MAPK1IP1L: variants seen among roughly 807,000 people sequenced by gnomAD.
The protein encoded by MAPK1IP1L is mitogen-activated protein kinase 1 interacting protein 1 like.
A neutral mutation model predicts 18.1 loss-of-function variants in MAPK1IP1L; 10 were observed. The observed-to-expected ratio is 0.55, with a 90% CI of 0.34 to 0.94. The LOEUF (loss-of-function observed/expected upper bound fraction) is 0.94, where lower values mean the gene tolerates loss of function less well. Ranked by LOEUF, MAPK1IP1L falls within the 40% of genes least tolerant of loss-of-function variation. The probability of loss-of-function intolerance (pLI) is 0.02; values close to 1 mark genes in which losing one functional copy is unlikely to be tolerated. For missense variants in MAPK1IP1L, 260 were observed against 318.2 expected (o/e 0.82, Z 1.39); for synonymous variants, 115 against 117.3 (o/e 0.98, Z 0.13).
In MAPK1IP1L at chr14:55,069,043, A is replaced by T. The variant is rs567165683; in HGVS notation, c.*4416A>T. 7 of 151,794 alleles carry T rather than the reference A, an allele frequency of 4.6e-5. No homozygotes were observed. The highest frequency in any genetic ancestry group is 1.0e-4 in the Non-Finnish European group (7 of 67,952). The allele number at this position is 151,794 out of a possible 1,614,324, so 9.4% of individuals were successfully genotyped here. A position where few individuals can be genotyped will look rare whatever the true frequency, so the allele number is the denominator to read the frequency against. ...TTTTTTAAGAATTTAATGTTTTTCAAGATTGTAGTGTTGATCAGCGCAACA... is the reference window on the plus strand; with the variant it reads ...TTTTTTAAGAATTTAATGTTTTTCATGATTGTAGTGTTGATCAGCGCAACA... On this transcript the variant is annotated 3_prime_UTR_variant, in exon 4 of 4. Coordinates refer to ENST00000395468, the MANE Select transcript of MAPK1IP1L (RefSeq NM_144578.4).
rs564302356 is a variant in MAPK1IP1L at position 55,060,191 on chromosome 14, A to G, written c.-4-1489A>G. Among the ~76,000 whole-genome samples, 7 of 53,470 alleles carry G rather than the reference A, an allele frequency of 1.3e-4. 1 individual carries two copies. Among genetic ancestry groups the G allele is most frequent in the Middle Eastern group, 0.017 (1 of 58 alleles). 35.1% of individuals were successfully genotyped at this position (53,470 alleles called of 152,430 possible). ...TTTTTTTTTTTTTTTTTTTTTTTTG[A>G]TATGGAGTAGCCCTCCGTTGCCCAG... On this transcript the variant is annotated intron_variant, in intron 1 of 3. Coordinates refer to ENST00000395468, the MANE Select transcript of MAPK1IP1L (RefSeq NM_144578.4).
rs1463099418 is a variant in MAPK1IP1L, at chr14:55,051,672, G to C, written c.-136G>C. ...GCTTCCTGTTCCGGCGCCAGGAGGA[G>C]CCGCGCGCTGCTGGTGCTGTTGCCG... On this transcript the variant is annotated 5_prime_UTR_variant, in exon 1 of 4. Transcript: ENST00000395468. 1.9e-6 allele frequency: 1 copy of C among 514,774 alleles called. No individual in the cohort carries two copies. Among genetic ancestry groups the C allele is most frequent in the East Asian group, 5.5e-5 (1 of 18,156 alleles). The allele number at this position is 514,774 out of a possible 1,614,324, so 31.9% of individuals were successfully genotyped here.
At chr14:55,053,445 T>C (rs2042746152) in intron 1 of MAPK1IP1L, among the ~76,000 whole-genome samples, 1 of 152,254 alleles carries the variant, frequency 6.6e-6, no homozygotes, top group Non-Finnish European at 1.5e-5. Context: ...TTTTAGGCAC[T>C]TGATTGGACA....
chr14:55,060,940 C>G (rs778782026), intron 1 of MAPK1IP1L, among the ~76,000 whole-genome samples: 1 of 152,004 alleles, frequency 6.6e-6, no homozygotes, highest in Non-Finnish European at 1.5e-5. Context: ...AGTTTGAGAC[C>G]GGGTCTGGGC....
intron 1 of MAPK1IP1L, among the ~76,000 whole-genome samples, chr14:55,057,508 C>T (rs1300925446): frequency 1.3e-5 from 2 of 152,156 alleles, no homozygotes; most frequent in Non-Finnish European, 2.9e-5. Context: ...CCTGTAATCC[C>T]AGCACTTTGG....
chr14:55,054,134 A>G (rs2042751791), intron 1 of MAPK1IP1L, among the ~76,000 whole-genome samples: 1 of 151,822 alleles, frequency 6.6e-6, no homozygotes, highest in Non-Finnish European at 1.5e-5. Context: ...AAATGAGCCA[A>G]TACTAAAAAC....
chr14:55,053,267 C>G (rs1388447564), intron 1 of MAPK1IP1L, among the ~76,000 whole-genome samples: 1 of 152,178 alleles, frequency 6.6e-6, no homozygotes, highest in East Asian at 1.9e-4. Flanking sequence ...CTTCCTTTGC[C>G]TCAAGTTTGG....
At chr14:55,053,501 T>C (rs935117757) in intron 1 of MAPK1IP1L, among the ~76,000 whole-genome samples, 9 of 152,258 alleles carry the variant, frequency 5.9e-5, no homozygotes, top group African/African-American at 2.2e-4. Context: ...GGTTTTTATT[T>C]GTTTTGTTTT....
rs2042730113 is a variant in MAPK1IP1L at position 55,051,759 on chromosome 14, C to A, written c.-49C>A. ...CGTCTTCAGGGCCCAGTCCCTCGGACCCATCGCCGCTTCTAGACCCTACTG... is the reference window on the plus strand; with the variant it reads ...CGTCTTCAGGGCCCAGTCCCTCGGAACCATCGCCGCTTCTAGACCCTACTG... On this transcript the variant is annotated 5_prime_UTR_variant, in exon 1 of 4. Coordinates refer to ENST00000395468, the MANE Select transcript of MAPK1IP1L (RefSeq NM_144578.4). The A allele has an allele frequency of 3.9e-6, 2 of 514,284 alleles. No homozygotes were observed. Among genetic ancestry groups the A allele is most frequent in the Non-Finnish European group, 7.7e-6 (2 of 258,704 alleles). The allele number at this position is 514,284 out of a possible 1,614,324, so 31.9% of individuals were successfully genotyped here.
In MAPK1IP1L at chr14:55,067,989, C is replaced by T. The variant is rs1435818538; in HGVS notation, c.*3362C>T. On this transcript the variant is annotated 3_prime_UTR_variant, in exon 4 of 4. Coordinates refer to ENST00000395468, the MANE Select transcript of MAPK1IP1L (RefSeq NM_144578.4). ...TAGACCTTAGGTCGTCATTCACACC[C>T]GGTTCTCAAGAATCAAGTGGAGCAC... 3.3e-5 allele frequency: 5 copies of T among 152,180 alleles called. No individual in the cohort carries two copies. The highest frequency in any genetic ancestry group is 4.1e-4 in the South Asian group (2 of 4,830). The allele number at this position is 152,180 out of a possible 1,614,324, so 9.4% of individuals were successfully genotyped here. A position where few individuals can be genotyped will look rare whatever the true frequency, so the allele number is the denominator to read the frequency against.
At chr14:55,057,496 C>T (rs1227368342) in intron 1 of MAPK1IP1L, among the ~76,000 whole-genome samples, 1 of 152,164 alleles carries the variant, frequency 6.6e-6, no homozygotes, top group African/African-American at 2.4e-5. Flanking sequence ...CAGTGGCTCA[C>T]GCCTGTAATC....
At chr14:55,064,581 A>G in intron 3 of MAPK1IP1L, 35 bp from the exon 4 acceptor site, 2 of 1,608,002 alleles carry the variant, frequency 1.2e-6, no homozygotes, top group Non-Finnish European at 8.5e-7. Flanking sequence ...CATTTGCAAA[A>G]TCTAGAAGTT....
At chr14:55,059,225 G>GAAAAAAAAAAAAAAAAAAAAAAAATAAAA (rs3078612) in intron 1 of MAPK1IP1L, among the ~76,000 whole-genome samples, 1 of 63,280 alleles carries the variant, frequency 1.6e-5, no homozygotes, top group African/African-American at 5.8e-5. Context: ...AGGAAAATCT[G>GAAAAAAAAAAAAAAAAAAAAAAAATAAAA]AAAAAAAAAA....
chr14:55,053,717 A>G (rs987142908), intron 1 of MAPK1IP1L, among the ~76,000 whole-genome samples: 5 of 152,064 alleles, frequency 3.3e-5, no homozygotes, highest in African/African-American at 1.2e-4. Context: ...TTTTACACTA[A>G]CTGCTCTTCT....
chr14:55,062,529 C>T (rs1361433676), intron 2 of MAPK1IP1L, 89 bp from the exon 3 acceptor site: 41 of 1,027,318 alleles, frequency 4.0e-5, no homozygotes, highest in Non-Finnish European at 5.8e-5. Context: ...AATCCCTGCC[C>T]CTATAGGTTA....
chr14:55,054,148 C>T (rs2042751902), intron 1 of MAPK1IP1L, among the ~76,000 whole-genome samples: 1 of 150,110 alleles, frequency 6.7e-6, no homozygotes, highest in Non-Finnish European at 1.5e-5. Flanking sequence ...TAAAAACTAG[C>T]ATGTATTCTA....
chr14:55,059,741 C>A (rs892394552), intron 1 of MAPK1IP1L, among the ~76,000 whole-genome samples: 5 of 152,136 alleles, frequency 3.3e-5, no homozygotes, highest in African/African-American at 1.2e-4. Context: ...TCCTCTTCTC[C>A]AGCTGTAAAC....
intron 1 of MAPK1IP1L, among the ~76,000 whole-genome samples, chr14:55,053,227 G>A (rs1265439970): frequency 6.6e-6 from 1 of 152,206 alleles, no homozygotes; most frequent in Non-Finnish European, 1.5e-5. Context: ...AAGTTTTACA[G>A]CAAATCTATG....
chr14:55,063,503 C>G (rs2042836821), intron 3 of MAPK1IP1L, among the ~76,000 whole-genome samples, 178 bp downstream of exon 3: 1 of 152,130 alleles, frequency 6.6e-6, no homozygotes, highest in Admixed American at 6.6e-5. Flanking sequence ...GATGAAAGCA[C>G]TGTTTTAAGT....
Sources: gnomAD v4.1 joint callset for allele counts (sites outside exome capture counted in the v4.1 genomes callset) on GRCh38, gnomAD v4.1.1 for gene constraint, MANE v1.5 for transcripts, NCBI Gene and HGNC (gene_info 2026-07-23, HGNC 2026-07-21) for gene names.